PPM1L: variants seen among roughly 807,000 people sequenced by gnomAD.
PPM1L encodes protein phosphatase 1L.
PPM1L carries 13 observed loss-of-function variants against 31.4 expected under a neutral mutation model. That is an observed-to-expected ratio of 0.41 (90% CI 0.27 to 0.66). PPM1L has a LOEUF of 0.66. Ranked by LOEUF, PPM1L falls within the 30% of genes least tolerant of loss-of-function variation. The pLI, the probability that PPM1L is intolerant of heterozygous loss-of-function variation, is 0.29. For synonymous variants in PPM1L, 184 were observed against 175.4 expected, an observed-to-expected ratio of 1.05 and a Z score of -0.39; for missense variants, 326 against 453.7, an observed-to-expected ratio of 0.72 and a Z score of 2.56.
chr3:161,005,692 T>C (rs1371104921), intron 2 of PPM1L, among the ~76,000 whole-genome samples: 1 of 152,212 alleles, frequency 6.6e-6, no homozygotes, highest in Non-Finnish European at 1.5e-5. Context: ...GAGTATTAAA[T>C]GTGTTATGAC....
chr3:160,795,231 G>T (rs1161733185), intron 1 of PPM1L, among the ~76,000 whole-genome samples: 2 of 152,088 alleles, frequency 1.3e-5, no homozygotes, highest in African/African-American at 4.8e-5. Flanking sequence ...TTCAAAGTTT[G>T]TCATTTTTAA....
intron 1 of PPM1L, among the ~76,000 whole-genome samples, chr3:160,927,235 A>T (rs1441474825): frequency 6.6e-6 from 1 of 152,232 alleles, no homozygotes; most frequent in Non-Finnish European, 1.5e-5. Context: ...GGGCTGTGTT[A>T]TCTTTTCTAA....
At chr3:160,939,054 A>G (rs1462522797) in intron 1 of PPM1L, among the ~76,000 whole-genome samples, 1 of 152,224 alleles carries the variant, frequency 6.6e-6, no homozygotes, top group African/African-American at 2.4e-5. Flanking sequence ...TGAGAGTCAT[A>G]ATGAGGAATA....
intron 2 of PPM1L, among the ~76,000 whole-genome samples, chr3:160,967,728 A>G (rs937162319): frequency 2.0e-5 from 3 of 152,040 alleles, no homozygotes; most frequent in African/African-American, 7.2e-5. Context: ...TCAAGAACTG[A>G]TATGTTTTGT....
intron 1 of PPM1L, among the ~76,000 whole-genome samples, chr3:160,913,070 C>T (rs1449579589): frequency 6.6e-6 from 1 of 152,064 alleles, no homozygotes; most frequent in Non-Finnish European, 1.5e-5. Context: ...GGACAAAATC[C>T]ATGAAGATGG....
At chr3:160,896,978 T>G (rs1296076330) in intron 1 of PPM1L, among the ~76,000 whole-genome samples, 1 of 152,154 alleles carries the variant, frequency 6.6e-6, no homozygotes, top group Non-Finnish European at 1.5e-5. Flanking sequence ...TTAACACCTC[T>G]TACAGCTATA....
chr3:160,874,873 G>A (rs1712453056), intron 1 of PPM1L, among the ~76,000 whole-genome samples: 1 of 152,156 alleles, frequency 6.6e-6, no homozygotes. Flanking sequence ...AACCCCAGCT[G>A]TTCTAGCCCT....
At chr3:160,870,804 T>C (rs1286414171) in intron 1 of PPM1L, among the ~76,000 whole-genome samples, 1 of 152,232 alleles carries the variant, frequency 6.6e-6, no homozygotes, top group Admixed American at 6.5e-5. Context: ...ATTTCAATTG[T>C]CCTCTGTAAT....
chr3:160,810,497 C>T (rs1371325559), intron 1 of PPM1L, among the ~76,000 whole-genome samples: 1 of 152,142 alleles, frequency 6.6e-6, no homozygotes. Flanking sequence ...AAATTGGTCC[C>T]TGGTGGCCAC....
At chr3:160,882,308 A>G (rs1035250905) in intron 1 of PPM1L, 2 of 152,204 alleles carry the variant, frequency 1.3e-5, no homozygotes, top group African/African-American at 4.8e-5. Flanking sequence ...AGGCCATCTC[A>G]TCTGGCGCAG....
intron 1 of PPM1L, among the ~76,000 whole-genome samples, chr3:160,920,621 A>G (rs935317544): frequency 1.4e-5 from 1 of 71,206 alleles, no homozygotes; most frequent in African/African-American, 4.8e-5. Context: ...TCTCTCACAC[A>G]CACACACACA....
intron 1 of PPM1L, among the ~76,000 whole-genome samples, chr3:160,786,183 GTGTGTATATATA>G (rs1711922213): frequency 7.4e-5 from 5 of 67,946 alleles, no homozygotes; most frequent in African/African-American, 5.3e-4. Flanking sequence ...GTGTGTGTGT[GTGTGTATATATA>G]TATATATATA....
chr3:160,903,194 G>GTGTGTGTGTGTGTGGGT lies in PPM1L; in HGVS notation c.400-58541_400-58540insGTGTGTGTGTGTGGGTT, dbSNP rs1553819647. Among the ~76,000 whole-genome samples the GTGTGTGTGTGTGTGGGT allele has an allele frequency of 2.1e-5, 2 of 95,450 alleles. 1 individual carries two copies. The highest frequency in any genetic ancestry group is 6.7e-5 in the African/African-American group (2 of 29,844). 62.6% of individuals were successfully genotyped at this position (95,450 alleles called of 152,430 possible). ...GTGTGTGTGTGTGTGTGTGTGTGTG[G>GTGTGTGTGTGTGTGGGT]TATGTGTGTATGTTTGTGTGTGTGT... On this transcript the variant is annotated intron_variant, in intron 1 of 3. Coordinates refer to ENST00000498165, the MANE Select transcript of PPM1L (RefSeq NM_139245.4).
intron 1 of PPM1L, among the ~76,000 whole-genome samples, chr3:160,768,258 T>C (rs899473810): frequency 1.3e-5 from 2 of 152,192 alleles, no homozygotes; most frequent in Non-Finnish European, 2.9e-5. Context: ...CACAGCTACA[T>C]GAAATATCTA....
At chr3:160,963,032 T>C (rs1242471773) in intron 2 of PPM1L, among the ~76,000 whole-genome samples, 2 of 152,108 alleles carry the variant, frequency 1.3e-5, no homozygotes, top group East Asian at 3.9e-4. Flanking sequence ...TTTGTTACTT[T>C]CAATATTCTT....
At chr3:160,984,439 T>C (rs144469456) in intron 2 of PPM1L, among the ~76,000 whole-genome samples, 148 of 152,284 alleles carry the variant, frequency 9.7e-4, no homozygotes, top group African/African-American at 3.4e-3. Flanking sequence ...AGATTTGATA[T>C]TGTTCAAACA....
At chr3:160,801,380 A>G (rs1712420419) in intron 1 of PPM1L, among the ~76,000 whole-genome samples, 1 of 152,210 alleles carries the variant, frequency 6.6e-6, no homozygotes, top group Non-Finnish European at 1.5e-5. Flanking sequence ...TTTGTTAAGT[A>G]AATGGATTTT....
intron 2 of PPM1L, among the ~76,000 whole-genome samples, chr3:160,973,823 T>C (rs933098956): frequency 6.8e-6 from 1 of 146,182 alleles, no homozygotes; most frequent in African/African-American, 2.7e-5. Flanking sequence ...TTTTTTATTT[T>C]TTTTTGAGAA....
intron 1 of PPM1L, among the ~76,000 whole-genome samples, chr3:160,942,728 A>G (rs1221398477): frequency 6.6e-6 from 1 of 152,220 alleles, no homozygotes; most frequent in Non-Finnish European, 1.5e-5. Context: ...CAAATCATAC[A>G]AACTTCATTT....
Sources: allele counts gnomAD v4.1 joint callset (sites outside exome capture counted in the v4.1 genomes callset), GRCh38; gene constraint gnomAD v4.1.1; transcripts MANE v1.5; gene names NCBI Gene and HGNC (gene_info 2026-07-23, HGNC 2026-07-21).